Variants in ABHD12 observed in about 807,000 individuals in gnomAD.
ABHD12 encodes the protein lysophosphatidylserine lipase ABHD12.
In ABHD12, 43 loss-of-function variants were observed where a neutral mutation model predicts 58.3. The observed-to-expected ratio is 0.74, with a 90% CI of 0.58 to 0.95. The LOEUF (loss-of-function observed/expected upper bound fraction) is 0.95, where lower values mean the gene tolerates loss of function less well. ABHD12 is among the 40% of genes least tolerant of loss of function. ABHD12 has a pLI of 0.00. For missense variants in ABHD12, 539 were observed against 537.2 expected, an observed-to-expected ratio of 1.00 and a Z score of -0.03; for synonymous variants, 219 against 211.2, an observed-to-expected ratio of 1.04 and a Z score of -0.32.
chr20:25,308,661 G>A (rs2088792461), intron 7 of ABHD12, among the ~76,000 whole-genome samples, 167 bp from the exon 8 acceptor site: 1 of 152,198 alleles, frequency 6.6e-6, no homozygotes, highest in South Asian at 2.1e-4. Context: ...GGGTGACCTG[G>A]CTGCCCCACC....
intron 1 of ABHD12, chr20:25,368,895 G>A (rs983676711): frequency 2.2e-5 from 9 of 408,974 alleles, no homozygotes; most frequent in Admixed American, 1.1e-4. Context: ...GGGAGGCTGC[G>A]GCAGGATTGC....
intron 2 of ABHD12, among the ~76,000 whole-genome samples, chr20:25,329,990 C>A (rs923562485): frequency 6.6e-6 from 1 of 152,236 alleles, no homozygotes; most frequent in Non-Finnish European, 1.5e-5. Flanking sequence ...CAGCTCCAGT[C>A]TACAGCTCCC....
At chr20:25,309,599 G>T in intron 6 of ABHD12, 24 bp from the exon 7 acceptor site, 5 of 1,613,520 alleles carry the variant, frequency 3.1e-6, no homozygotes, top group South Asian at 1.1e-5. Flanking sequence ...ACGGCAGGAC[G>T]GGGAGGTCAA....
chr20:25,385,926 G>C (rs940120093), intron 1 of ABHD12, among the ~76,000 whole-genome samples: 3 of 151,468 alleles, frequency 2.0e-5, no homozygotes, highest in African/African-American at 7.3e-5. Flanking sequence ...GTGAAACCCC[G>C]TCTCTACTAA....
At chr20:25,352,525 G>C (rs544402967) in intron 1 of ABHD12, among the ~76,000 whole-genome samples, 4 of 151,634 alleles carry the variant, frequency 2.6e-5, no homozygotes, top group Admixed American at 2.0e-4. Context: ...CCTGACCTCA[G>C]GTGATCTACC....
intron 2 of ABHD12, among the ~76,000 whole-genome samples, chr20:25,330,135 GC>G: frequency 6.6e-6 from 1 of 152,384 alleles, no homozygotes; most frequent in African/African-American, 2.4e-5. Context: ...GCAGGGCAAG[GC>G]ATTGCCTCAC....
At chr20:25,382,470 A>G (rs2090033453) in intron 1 of ABHD12, among the ~76,000 whole-genome samples, 2 of 152,112 alleles carry the variant, frequency 1.3e-5, no homozygotes, top group African/African-American at 4.8e-5. Flanking sequence ...TTTTGAGGTT[A>G]TATTTCAATA....
chr20:25,362,412 C>G (rs2089761944), intron 1 of ABHD12, among the ~76,000 whole-genome samples: 1 of 147,716 alleles, frequency 6.8e-6, no homozygotes, highest in Non-Finnish European at 1.5e-5. Flanking sequence ...ACTAAAAATA[C>G]AAAAATCAGC....
intron 6 of ABHD12, 21 bp downstream of exon 6, chr20:25,314,904 C>T: frequency 6.2e-7 from 1 of 1,613,952 alleles, no homozygotes; most frequent in Non-Finnish European, 8.5e-7. Flanking sequence ...TGCTCAGATG[C>T]TCTTGCAAAA....
At chr20:25,366,682 G>A (rs1418719550) in intron 1 of ABHD12, among the ~76,000 whole-genome samples, 1 of 152,104 alleles carries the variant, frequency 6.6e-6, no homozygotes, top group Non-Finnish European at 1.5e-5. Flanking sequence ...TTGGTTTCTT[G>A]TTTACAGAGT....
intron 6 of ABHD12, 75 bp downstream of exon 6, chr20:25,314,850 A>T: frequency 6.5e-7 from 1 of 1,536,984 alleles, no homozygotes; most frequent in Non-Finnish European, 9.0e-7. Context: ...AGCCTCTTCG[A>T]GTGAGGCCTG....
chr20:25,297,497 C>T (rs956110562), downstream of ABHD12: 33 of 152,364 alleles, frequency 2.2e-4, no homozygotes, highest in Admixed American at 2.2e-3. Flanking sequence ...CCTCCCTTTC[C>T]ACCAGTGCCA....
chr20:25,296,942 G>A (rs201927795), downstream of ABHD12: 5 of 171,170 alleles, frequency 2.9e-5, no homozygotes, highest in East Asian at 9.0e-4. Flanking sequence ...GAGTGTTACT[G>A]CAGCATCTGG....
At chr20:25,296,271 G>A (rs1267290829), downstream of ABHD12, 1 of 1,458,038 alleles carries the variant, frequency 6.9e-7, no homozygotes, top group African/African-American at 1.4e-5. Context: ...CCAAGGCTCG[G>A]AGCTCATTTG....
At position 25,379,870 on chromosome 20, in the gene ABHD12, G is replaced by T. The variant is rs1485842721; in HGVS notation, c.191+10643C>A. ...TGCCTGGCTAATTCTTTTTTTTTTT[G>T]GTCTAGATGAGGTCTCCCTTCATTG... On this transcript the variant is annotated intron_variant, in intron 1 of 12. Transcript: ENST00000339157. Among the ~76,000 whole-genome samples the T allele has an allele frequency of 2.5e-4, 37 of 148,598 alleles. 1 individual carries two copies. The highest frequency in any genetic ancestry group is 8.6e-4 in the South Asian group (4 of 4,672).
chr20:25,327,194 C>G (rs144458370), intron 2 of ABHD12, among the ~76,000 whole-genome samples: 1 of 152,212 alleles, frequency 6.6e-6, no homozygotes, highest in Non-Finnish European at 1.5e-5. Context: ...GGGTGCCAGG[C>G]GCGGTGGCGC....
At chr20:25,310,714 C>T (rs1407296924) in intron 6 of ABHD12, among the ~76,000 whole-genome samples, 2 of 151,762 alleles carry the variant, frequency 1.3e-5, no homozygotes, top group African/African-American at 4.8e-5. Context: ...CAGAGAGGCA[C>T]AGAGACAGGC....
At chr20:25,325,864 AG>A (rs2089166303) in intron 2 of ABHD12, among the ~76,000 whole-genome samples, 1 of 152,028 alleles carries the variant, frequency 6.6e-6, no homozygotes, top group East Asian at 1.9e-4. Context: ...TGAGGTCAGG[AG>A]TTCGAGACCA....
chr20:25,360,577 T>C (rs961436311), intron 1 of ABHD12, among the ~76,000 whole-genome samples: 1 of 152,100 alleles, frequency 6.6e-6, no homozygotes, highest in Non-Finnish European at 1.5e-5. Flanking sequence ...CTAAAGATGG[T>C]AGATTTAACT....
Sources: gnomAD v4.1 joint callset for allele counts (sites outside exome capture counted in the v4.1 genomes callset) on GRCh38, gnomAD v4.1.1 for gene constraint, MANE v1.5 for transcripts, NCBI Gene and HGNC (gene_info 2026-07-23, HGNC 2026-07-21) for gene names.